Variants in GPM6A observed in about 807,000 individuals in gnomAD.
GPM6A encodes neuronal membrane glycoprotein M6-a.
In GPM6A, 7 loss-of-function variants were observed where a neutral mutation model predicts 32.1. The observed-to-expected ratio is 0.22, with a 90% confidence interval of 0.12 to 0.41. The LOEUF (loss-of-function observed/expected upper bound fraction) is 0.41. Ranked by LOEUF, GPM6A falls within the 10% of genes least tolerant of loss-of-function variation. GPM6A has a pLI of 1.00. For synonymous variants in GPM6A, 130 were observed against 123.4 expected, an observed-to-expected ratio of 1.05 and a Z score of -0.35; for missense variants, 235 against 347.2, an observed-to-expected ratio of 0.68 and a Z score of 2.57.
chr4:175,659,535 A>G (rs1742280664), intron 3 of GPM6A, among the ~76,000 whole-genome samples: 1 of 152,146 alleles, frequency 6.6e-6, no homozygotes, highest in Non-Finnish European at 1.5e-5. Flanking sequence ...CATAACCAAA[A>G]CTGGATTATT....
chr4:175,769,044 G>A (rs917114096), intron 1 of GPM6A, among the ~76,000 whole-genome samples: 1 of 152,016 alleles, frequency 6.6e-6, no homozygotes, highest in Non-Finnish European at 1.5e-5. Context: ...GCAGAGAGCC[G>A]AGATTCTACC....
At chr4:175,986,391 G>A (rs977265655) in intron 1 of GPM6A, among the ~76,000 whole-genome samples, 2 of 151,638 alleles carry the variant, frequency 1.3e-5, no homozygotes, top group African/African-American at 4.8e-5. Flanking sequence ...TTTTAAATAA[G>A]TTGGGTGCAG....
At chr4:175,744,351 A>G (rs1275992991) in intron 1 of GPM6A, among the ~76,000 whole-genome samples, 1 of 152,108 alleles carries the variant, frequency 6.6e-6, no homozygotes, top group Non-Finnish European at 1.5e-5. Context: ...TCTGATATGT[A>G]CTAAATCTGT....
chr4:175,672,552 T>A (rs1459211671), intron 3 of GPM6A, among the ~76,000 whole-genome samples: 1 of 152,236 alleles, frequency 6.6e-6, no homozygotes, highest in Admixed American at 6.5e-5. Flanking sequence ...AGTCATATTT[T>A]ATTTTTTCAT....
At chr4:175,715,969 G>A (rs962102074) in intron 1 of GPM6A, among the ~76,000 whole-genome samples, 47 of 152,148 alleles carry the variant, frequency 3.1e-4, no homozygotes, top group African/African-American at 1.1e-3. Context: ...GGAGGCTGAG[G>A]CAGGAGAATA....
At chr4:175,725,982 C>A (rs1746382005) in intron 1 of GPM6A, among the ~76,000 whole-genome samples, 1 of 140,442 alleles carries the variant, frequency 7.1e-6, no homozygotes, top group African/African-American at 2.6e-5. Flanking sequence ...TTTCCAAATA[C>A]CCTGTTTCTT....
chr4:175,726,358 T>C (rs1746410996), intron 1 of GPM6A, among the ~76,000 whole-genome samples: 1 of 152,206 alleles, frequency 6.6e-6, no homozygotes, highest in Admixed American at 6.5e-5. Context: ...TATCTGAATC[T>C]ATAAAAAATT....
chr4:175,980,227 T>C (rs1281945694), intron 1 of GPM6A, among the ~76,000 whole-genome samples: 1 of 152,078 alleles, frequency 6.6e-6, no homozygotes, highest in African/African-American at 2.4e-5. Context: ...CGTGGTGGCA[T>C]GCATCTGCAG....
chr4:175,778,819 CATT>C (rs550871197), intron 1 of GPM6A, among the ~76,000 whole-genome samples: 1 of 149,620 alleles, frequency 6.7e-6, no homozygotes, highest in African/African-American at 2.4e-5. Flanking sequence ...TATAAAATAA[CATT>C]ATTATATACA....
At chr4:175,960,383 T>G (rs773675679) in intron 1 of GPM6A, among the ~76,000 whole-genome samples, 21 of 152,318 alleles carry the variant, frequency 1.4e-4, no homozygotes, top group Non-Finnish European at 2.8e-4. Context: ...AATCCCCTGA[T>G]GAAGTAAATA....
At chr4:175,824,311 G>A (rs1006984990) in intron 1 of GPM6A, among the ~76,000 whole-genome samples, 15 of 152,208 alleles carry the variant, frequency 9.9e-5, no homozygotes, top group South Asian at 4.1e-4. Flanking sequence ...CTGCTTGTGC[G>A]GCAGACACAC....
intron 1 of GPM6A, among the ~76,000 whole-genome samples, chr4:175,771,453 C>T (rs1733186631): frequency 6.6e-6 from 1 of 151,402 alleles, no homozygotes. Context: ...TCGCCTGTGT[C>T]CCAGCTACTG....
At chr4:175,922,366 C>A (rs1238196515) in intron 1 of GPM6A, among the ~76,000 whole-genome samples, 2 of 152,150 alleles carry the variant, frequency 1.3e-5, no homozygotes, top group Non-Finnish European at 2.9e-5. Flanking sequence ...TCCTCCACAT[C>A]TTTATGCTAA....
intron 1 of GPM6A, among the ~76,000 whole-genome samples, chr4:175,964,323 A>C (rs1740268202): frequency 1.3e-5 from 2 of 148,968 alleles, no homozygotes; most frequent in African/African-American, 4.9e-5. Flanking sequence ...ACAACAACAA[A>C]ACCCACCCAG....
At chr4:175,891,112 A>G (rs114336934) in intron 1 of GPM6A, among the ~76,000 whole-genome samples, 236 of 152,286 alleles carry the variant, frequency 1.5e-3, no homozygotes, top group African/African-American at 5.4e-3. Flanking sequence ...TACTTAACAT[A>G]AGTAATTTTA....
At chr4:175,887,802 A>G (rs191259643) in intron 1 of GPM6A, among the ~76,000 whole-genome samples, 1 of 151,976 alleles carries the variant, frequency 6.6e-6, no homozygotes, top group Non-Finnish European at 1.5e-5. Context: ...TCAAAATGAA[A>G]TAGCAAGCCT....
chr4:175,716,476 TAGA>T (rs894700544), intron 1 of GPM6A, among the ~76,000 whole-genome samples: 6 of 117,858 alleles, frequency 5.1e-5, no homozygotes, highest in African/African-American at 2.2e-4. Flanking sequence ...CTTAAATTTG[TAGA>T]AGAAGAAACT....
chr4:175,637,787 T>C (rs1168519043), intron 6 of GPM6A, among the ~76,000 whole-genome samples: 1 of 84,632 alleles, frequency 1.2e-5, no homozygotes, highest in African/African-American at 4.3e-5. Context: ...ATATATAATA[T>C]ATAATATAAA....
chr4:175,917,435 T>A (rs1738527850), intron 1 of GPM6A, among the ~76,000 whole-genome samples: 1 of 152,040 alleles, frequency 6.6e-6, no homozygotes, highest in South Asian at 2.1e-4. Flanking sequence ...TAGCAACAAA[T>A]AAGCAAAACA....
Sources: gnomAD v4.1 joint callset for allele counts (sites outside exome capture counted in the v4.1 genomes callset) on GRCh38, gnomAD v4.1.1 for gene constraint, MANE v1.5 for transcripts, NCBI Gene and HGNC (gene_info 2026-07-23, HGNC 2026-07-21) for gene names.